The following AKAP7 variants were observed in gnomAD, a reference collection of about 807,000 sequenced individuals.
AKAP7 encodes A-kinase anchoring protein 7.
In AKAP7, 39 loss-of-function variants were observed where a neutral mutation model predicts 39.5. That is an observed-to-expected ratio of 0.99 (90% CI 0.76 to 1.29). AKAP7 has a LOEUF of 1.29. Among genes scored for constraint, AKAP7 ranks in the 50% most tolerant of loss-of-function variants. AKAP7 has a pLI of 0.00. For missense variants in AKAP7, 414 were observed against 407.7 expected (o/e 1.02, Z -0.13); for synonymous variants, 140 against 139.1 (o/e 1.01, Z -0.05).
Position 131,202,575 on chromosome 6 carries a change from A to G in AKAP7, c.702+3002A>G, listed in dbSNP as rs1391620847. Among the ~76,000 whole-genome samples the G allele has an allele frequency of 2.8e-5, 4 of 141,178 alleles. No homozygotes were observed. The East Asian group carries it at 6.9e-4, about 24-fold the overall frequency. 92.6% of individuals were successfully genotyped at this position (141,178 alleles called of 152,430 possible). On this transcript the variant is annotated intron_variant, in intron 6 of 7. Transcript: ENST00000431975. ...AATTGAACAATGAGAACACGTGGAC[A>G]CAGGAAGGGGAACATCACACGCTGG...
chr6:131,205,449 C>T (rs556755737), intron 6 of AKAP7, among the ~76,000 whole-genome samples: 3 of 152,050 alleles, frequency 2.0e-5, no homozygotes, highest in South Asian at 4.2e-4. Flanking sequence ...CCTGGGCTTC[C>T]GGGGTCCTGT....
At chr6:131,230,224 G>A (rs1452302542) in intron 7 of AKAP7, among the ~76,000 whole-genome samples, 1 of 152,174 alleles carries the variant, frequency 6.6e-6, no homozygotes, top group East Asian at 1.9e-4. Flanking sequence ...AAGTATGTAA[G>A]TGTTCCCTTT....
At chr6:131,278,897 AAG>A (rs1466226124) in intron 7 of AKAP7, among the ~76,000 whole-genome samples, 1 of 152,170 alleles carries the variant, frequency 6.6e-6, no homozygotes, top group Non-Finnish European at 1.5e-5. Context: ...TAATTGCTGA[AAG>A]AGAGGGAGGG....
intron 7 of AKAP7, among the ~76,000 whole-genome samples, chr6:131,262,208 A>G (rs906173514): frequency 1.3e-5 from 2 of 152,168 alleles, no homozygotes; most frequent in African/African-American, 4.8e-5. Flanking sequence ...CACTGATGAG[A>G]GTAATGAACA....
intron 5 of AKAP7, among the ~76,000 whole-genome samples, chr6:131,171,617 A>C (rs1387912528): frequency 3.3e-5 from 5 of 152,124 alleles, no homozygotes. Flanking sequence ...ATGGAAGGGG[A>C]AAGTTTAATA....
chr6:131,230,905 G>A (rs546066826), intron 7 of AKAP7, among the ~76,000 whole-genome samples: 1 of 152,096 alleles, frequency 6.6e-6, no homozygotes, highest in Non-Finnish European at 1.5e-5. Context: ...TTTAGTAAAT[G>A]TTTATGAATA....
At position 131,170,711 on chromosome 6, in the gene AKAP7, T is replaced by A. The variant is rs150609322; in HGVS notation, c.589+1438T>A. 6.8e-4 allele frequency among the ~76,000 whole-genome samples: 103 copies of A among 152,336 alleles called. No individual in the cohort carries two copies. In the East Asian group the frequency reaches 0.019, roughly 28 times the overall value. ...ATCAGGTTTCATTGTTGGTTTTTCT[T>A]TTGTGTTCTTAAGATATTTGTGATA... is the stretch of plus-strand genomic sequence containing the variant. On this transcript the variant is annotated intron_variant, in intron 5 of 7. Coordinates refer to ENST00000431975, the MANE Select transcript of AKAP7 (RefSeq NM_016377.4).
In AKAP7 at chr6:131,224,730, C is replaced by CTTTT. The variant is rs779047229; in HGVS notation, c.850+4948_850+4951dup. ...GTTTGTAAAGTTTCCAGTTGATTCACTTTTTTTTTTTTTTTTTTTTTTTTT... is the reference window on the plus strand; with the variant it reads ...GTTTGTAAAGTTTCCAGTTGATTCACTTTTTTTTTTTTTTTTTTTTTTTTTTTTT... On this transcript the variant is annotated intron_variant, in intron 7 of 7. Transcript: ENST00000431975. Among the ~76,000 whole-genome samples the CTTTT allele has an allele frequency of 2.7e-3, 147 of 55,110 alleles. 30 individuals are homozygous for CTTTT. Among genetic ancestry groups the CTTTT allele is most frequent in the African/African-American group, 9.9e-3 (135 of 13,686 alleles). 36.2% of individuals were successfully genotyped at this position (55,110 alleles called of 152,430 possible).
chr6:131,282,259 A>G lies in AKAP7; in HGVS notation c.*533A>G. On this transcript the variant is annotated 3_prime_UTR_variant, in exon 8 of 8. Transcript: ENST00000431975. ...CTTTATTTATAGTAAATTATGTTTC[A>G]TGTAAATGATATATTTTTGGTGAAA... is the stretch of plus-strand genomic sequence containing the variant. 7.4e-7 allele frequency: 1 copy of G among 1,360,202 alleles called. No individual in the cohort carries two copies. 84.3% of individuals were successfully genotyped at this position (1,360,202 alleles called of 1,614,324 possible).
At chr6:131,203,684 C>A (rs947319199) in intron 6 of AKAP7, among the ~76,000 whole-genome samples, 1 of 152,122 alleles carries the variant, frequency 6.6e-6, no homozygotes, top group Non-Finnish European at 1.5e-5. Flanking sequence ...GTAGATCCTT[C>A]CAGACCTTTT....
At chr6:131,220,030 C>G (rs1480101537) in intron 7 of AKAP7, among the ~76,000 whole-genome samples, 2 of 151,982 alleles carry the variant, frequency 1.3e-5, no homozygotes, top group Non-Finnish European at 2.9e-5. Context: ...ATACTTCTGG[C>G]TTTAAATATA....
intron 6 of AKAP7, among the ~76,000 whole-genome samples, chr6:131,201,228 C>T (rs914294328): frequency 6.6e-6 from 1 of 152,140 alleles, no homozygotes; most frequent in Admixed American, 6.6e-5. Context: ...CCAGTTCACG[C>T]AGAGTCATTT....
intron 7 of AKAP7, among the ~76,000 whole-genome samples, chr6:131,229,064 A>G (rs960223582): frequency 1.3e-5 from 2 of 148,474 alleles, no homozygotes; most frequent in African/African-American, 5.2e-5. Flanking sequence ...TTGCATGATT[A>G]TTTAAGCTGT....
intron 7 of AKAP7, among the ~76,000 whole-genome samples, chr6:131,264,053 GT>G (rs1813580213): frequency 6.6e-6 from 1 of 152,078 alleles, no homozygotes; most frequent in Non-Finnish European, 1.5e-5. Context: ...TACTGAGAGT[GT>G]ATCTTTTGCT....
intron 7 of AKAP7, among the ~76,000 whole-genome samples, chr6:131,280,894 A>G (rs372149776): frequency 2.0e-5 from 3 of 152,200 alleles, no homozygotes; most frequent in African/African-American, 7.2e-5. Flanking sequence ...ACATCTAGTA[A>G]TTTATCATCA....
intron 1 of AKAP7, among the ~76,000 whole-genome samples, chr6:131,142,022 A>G (rs1162547214): frequency 1.3e-5 from 2 of 151,802 alleles, no homozygotes; most frequent in African/African-American, 4.8e-5. Flanking sequence ...ATGACCTACA[A>G]TCAGATATGG....
At chr6:131,197,189 A>G (rs1050408239) in intron 5 of AKAP7, among the ~76,000 whole-genome samples, 2 of 151,970 alleles carry the variant, frequency 1.3e-5, no homozygotes, top group Non-Finnish European at 2.9e-5. Flanking sequence ...TATTATCTTC[A>G]TGGTGGTCAT....
chr6:131,132,665 G>C (rs773773252), upstream of AKAP7, among the ~76,000 whole-genome samples: 4 of 151,860 alleles, frequency 2.6e-5, no homozygotes, highest in Non-Finnish European at 5.9e-5. Context: ...TTCTGGATTG[G>C]TCTGATTCTT....
At chr6:131,203,951 A>G (rs1364255091) in intron 6 of AKAP7, among the ~76,000 whole-genome samples, 2 of 152,154 alleles carry the variant, frequency 1.3e-5, no homozygotes, top group Non-Finnish European at 2.9e-5. Context: ...AGAGGGTATT[A>G]GACATTATAA....
Sources: allele counts gnomAD v4.1 joint callset (sites outside exome capture counted in the v4.1 genomes callset), GRCh38; gene constraint gnomAD v4.1.1; transcripts MANE v1.5; gene names NCBI Gene and HGNC (gene_info 2026-07-23, HGNC 2026-07-21).